The following CHN2 variants were observed in gnomAD, a reference collection of about 807,000 sequenced individuals.
CHN2 encodes chimerin 2.
In CHN2, 35 loss-of-function variants were observed where a neutral mutation model predicts 56.3. The ratio of observed to expected loss-of-function variants is 0.62; its 90% CI spans 0.47 to 0.82. CHN2 has a LOEUF of 0.82. CHN2 is among the 40% of genes least tolerant of loss of function. The pLI is 0.00. For missense variants in CHN2, 491 were observed against 580.5 expected, an observed-to-expected ratio of 0.85 and a Z score of 1.58; for synonymous variants, 210 against 212.8, an observed-to-expected ratio of 0.99 and a Z score of 0.12.
intron 3 of CHN2, among the ~76,000 whole-genome samples, chr7:29,390,678 T>C (rs549490127): frequency 7.2e-5 from 11 of 152,288 alleles, no homozygotes; most frequent in African/African-American, 2.6e-4. Context: ...GAAACAGAAA[T>C]TGAGTTACAG....
chr7:29,483,371 G>A (rs1243631244), intron 7 of CHN2, among the ~76,000 whole-genome samples: 3 of 152,144 alleles, frequency 2.0e-5, no homozygotes, highest in Non-Finnish European at 2.9e-5. Context: ...AACAAAGCTT[G>A]TCTAAGCAAA....
At chr7:29,406,905 C>G (rs1327924405) in intron 6 of CHN2, among the ~76,000 whole-genome samples, 1 of 152,212 alleles carries the variant, frequency 6.6e-6, no homozygotes, top group Non-Finnish European at 1.5e-5. Context: ...CTCCACCTCA[C>G]TCGGTGAAGC....
chr7:29,164,048 T>C (rs922173615), intron 2 of CHN2, among the ~76,000 whole-genome samples: 1 of 152,246 alleles, frequency 6.6e-6, no homozygotes. Flanking sequence ...TTGACACATA[T>C]AGTAGAGAAT....
At position 29,251,233 on chromosome 7, in the gene CHN2, G is replaced by A. The variant is rs567307798; in HGVS notation, c.49+56243G>A. ...TTTGAGGGGCCAAGGCTGGCGGATC[G>A]CTTGAGCCCAGCAGTTCGAGATCAG... On this transcript the variant is annotated intron_variant, in intron 1 of 12. Transcript: ENST00000222792. Among the ~76,000 whole-genome samples, 12 of 152,250 alleles carry A rather than the reference G, an allele frequency of 7.9e-5. No individual in the cohort carries two copies. The East Asian group carries it at 9.6e-4, about 12-fold the overall frequency.
chr7:29,470,649 T>C (rs1215528563), intron 6 of CHN2, among the ~76,000 whole-genome samples: 1 of 152,206 alleles, frequency 6.6e-6, no homozygotes, highest in Non-Finnish European at 1.5e-5. Flanking sequence ...TTTGGTACAT[T>C]CTGTAGTGCT....
chr7:29,358,349 G>A (rs1410144875), intron 2 of CHN2, among the ~76,000 whole-genome samples: 3 of 152,040 alleles, frequency 2.0e-5, no homozygotes, highest in Non-Finnish European at 4.4e-5. Flanking sequence ...AGGGAGCTAC[G>A]ATCACACCAT....
At chr7:29,191,004 A>G (rs1018004173), upstream of CHN2, among the ~76,000 whole-genome samples, 2 of 151,582 alleles carry the variant, frequency 1.3e-5, no homozygotes, top group African/African-American at 4.9e-5. Flanking sequence ...GCATCAACAG[A>G]GCTCACTGCA....
intron 2 of CHN2, among the ~76,000 whole-genome samples, chr7:29,170,711 A>C (rs1459514431): frequency 1.3e-5 from 2 of 152,194 alleles, no homozygotes; most frequent in Non-Finnish European, 2.9e-5. Flanking sequence ...ACTGCTGATA[A>C]AGACGTACTC....
chr7:29,219,162 G>A (rs1785578030), intron 1 of CHN2, among the ~76,000 whole-genome samples: 2 of 152,098 alleles, frequency 1.3e-5, no homozygotes, highest in Admixed American at 6.5e-5. Flanking sequence ...TAGAGCCAAG[G>A]CCAAATTATA....
At chr7:29,412,683 T>G (rs1408240903) in intron 6 of CHN2, among the ~76,000 whole-genome samples, 1 of 152,130 alleles carries the variant, frequency 6.6e-6, no homozygotes, top group Non-Finnish European at 1.5e-5. Context: ...TTGTGATATT[T>G]CCGGGAAACT....
intron 1 of CHN2, among the ~76,000 whole-genome samples, chr7:29,232,866 G>T (rs1786829505): frequency 6.6e-6 from 1 of 152,190 alleles, no homozygotes; most frequent in Admixed American, 6.5e-5. Flanking sequence ...ACGGACAGTG[G>T]TGACAGTGAC....
chr7:29,325,589 G>T (rs1371878173), intron 1 of CHN2, among the ~76,000 whole-genome samples: 2 of 152,172 alleles, frequency 1.3e-5, no homozygotes, highest in African/African-American at 4.8e-5. Flanking sequence ...TTATTAAAAT[G>T]GGAGTACCTC....
At chr7:29,349,287 T>G (rs188071298) in intron 1 of CHN2, among the ~76,000 whole-genome samples, 31 of 152,334 alleles carry the variant, frequency 2.0e-4, no homozygotes, top group Admixed American at 2.0e-3. Flanking sequence ...TGTGATTTTT[T>G]GTTTACAGAT....
chr7:29,436,149 T>G (rs906937827), intron 6 of CHN2, among the ~76,000 whole-genome samples: 2 of 152,000 alleles, frequency 1.3e-5, no homozygotes, highest in African/African-American at 4.8e-5. Flanking sequence ...TTGAATTCCC[T>G]CCAGCCCTGG....
At chr7:29,386,994 G>A (rs1800963138) in intron 3 of CHN2, among the ~76,000 whole-genome samples, 1 of 152,230 alleles carries the variant, frequency 6.6e-6, no homozygotes, top group South Asian at 2.1e-4. Flanking sequence ...ACTGGAGAAG[G>A]AGTGAAGCAC....
intron 1 of CHN2, among the ~76,000 whole-genome samples, chr7:29,349,556 T>C (rs1165864882): frequency 1.3e-5 from 2 of 152,200 alleles, no homozygotes; most frequent in Non-Finnish European, 2.9e-5. Context: ...TTCTGTGCTT[T>C]TAGGTTTACT....
intron 1 of CHN2, among the ~76,000 whole-genome samples, chr7:29,313,888 T>C (rs1794769748): frequency 6.6e-6 from 1 of 152,216 alleles, no homozygotes; most frequent in South Asian, 2.1e-4. Flanking sequence ...AGTCACAGGC[T>C]CTCAGCCTCT....
chr7:29,477,995 C>T lies in CHN2; in HGVS notation c.577-2284C>T, dbSNP rs3812326. On this transcript the variant is annotated intron_variant, in intron 6 of 12. Transcript: ENST00000222792. ...CATAGAGCATGTCACAGTGAGTTCT[C>T]AGTGTGGCAGGGATAAGAGCTGTTA... 2.1e-3 allele frequency among the ~76,000 whole-genome samples: 317 copies of T among 152,264 alleles called. 8 individuals carry two copies. In the East Asian group the frequency reaches 0.047, roughly 22 times the overall value.
intron 1 of CHN2, among the ~76,000 whole-genome samples, chr7:29,202,118 G>T (rs922781110): frequency 6.6e-6 from 1 of 152,146 alleles, no homozygotes; most frequent in South Asian, 2.1e-4. Context: ...AGGAAAAAGT[G>T]CCCATGTTCA....
Sources: gnomAD v4.1 joint callset for allele counts (sites outside exome capture counted in the v4.1 genomes callset) on GRCh38, gnomAD v4.1.1 for gene constraint, MANE v1.5 for transcripts, NCBI Gene and HGNC (gene_info 2026-07-23, HGNC 2026-07-21) for gene names.